KHDRBS2: variants seen among roughly 807,000 people sequenced by gnomAD.
KHDRBS2 encodes the protein KH domain-containing, RNA-binding, signal transduction-associated protein 2.
KHDRBS2 carries 26 observed loss-of-function variants against 44.3 expected under a neutral mutation model. The ratio of observed to expected loss-of-function variants is 0.59; its 90% CI spans 0.43 to 0.81. KHDRBS2 has a LOEUF of 0.81. Among genes scored for constraint, KHDRBS2 ranks in the 40% least tolerant of loss-of-function variants. The pLI is 0.00. For missense variants in KHDRBS2, 476 were observed against 433.1 expected (o/e 1.10, Z -0.88); for synonymous variants, 194 against 151.1 (o/e 1.28, Z -2.08).
At chr6:61,597,403 G>T in the KHDRBS2 span, among the ~76,000 whole-genome samples, 1 of 151,972 alleles carries the variant, frequency 6.6e-6, no homozygotes, top group African/African-American at 2.4e-5. Flanking sequence ...GACCCCTAGG[G>T]CTCTGTGAGG....
chr6:62,170,232 T>C (rs2150118719), intron 2 of KHDRBS2, among the ~76,000 whole-genome samples: 1 of 152,012 alleles, frequency 6.6e-6, no homozygotes. Flanking sequence ...GAGCCTTCAC[T>C]GAAAGAAGTG....
intron 3 of KHDRBS2, among the ~76,000 whole-genome samples, chr6:62,001,623 A>G (rs1173039468): frequency 1.3e-5 from 2 of 152,148 alleles, no homozygotes; most frequent in Non-Finnish European, 2.9e-5. Context: ...TGGTAAATAT[A>G]TTCACTTTTC....
chr6:61,680,945 C>G lies in KHDRBS2; in HGVS notation c.*18G>C, dbSNP rs774565715. 6.5e-7 allele frequency: 1 copy of G among 1,532,922 alleles called. No individual in the cohort carries two copies. Among genetic ancestry groups the G allele is most frequent in the South Asian group, 1.1e-5 (1 of 89,064 alleles). The allele number at this position is 1,532,922 out of a possible 1,614,324, so 95.0% of individuals were successfully genotyped here. A position where few individuals can be genotyped will look rare whatever the true frequency, so the allele number is the denominator to read the frequency against. Reference sequence around the variant, plus strand: ...CTATGAATTGTCTTTGAGGTGAGGTCACAGGTGGGAAGGACCTTCAATATC... The same window carrying G: ...CTATGAATTGTCTTTGAGGTGAGGTGACAGGTGGGAAGGACCTTCAATATC... On this transcript the variant is annotated 3_prime_UTR_variant, in exon 9 of 9. Coordinates refer to ENST00000281156, the MANE Select transcript of KHDRBS2 (RefSeq NM_152688.4).
intron 1 of KHDRBS2, among the ~76,000 whole-genome samples, chr6:62,239,626 A>G (rs566370524): frequency 4.9e-4 from 74 of 151,216 alleles, no homozygotes; most frequent in African/African-American, 1.6e-3. Flanking sequence ...TTTTGGGGGG[A>G]AAAAAAGGGG....
At chr6:62,277,937 A>C (rs1841228241) in intron 1 of KHDRBS2, among the ~76,000 whole-genome samples, 1 of 152,176 alleles carries the variant, frequency 6.6e-6, no homozygotes, top group African/African-American at 2.4e-5. Context: ...CAAATAAAAG[A>C]TGCAATCACT....
At chr6:62,202,366 A>G (rs1827172249) in intron 1 of KHDRBS2, among the ~76,000 whole-genome samples, 2 of 152,112 alleles carry the variant, frequency 1.3e-5, no homozygotes, top group Non-Finnish European at 2.9e-5. Flanking sequence ...AAAAGTTTTT[A>G]TCTTTATATA....
At position 61,703,340 on chromosome 6, in the gene KHDRBS2, A is replaced by G. The variant is rs187177172; in HGVS notation, c.894-6087T>C. ...TTTATGGTTTAAACACGAGCTTTTG[A>G]TATACATGGTGAAATGGTTACTATA... On this transcript the variant is annotated intron_variant, in intron 7 of 8. Transcript: ENST00000281156. 1.1e-4 allele frequency among the ~76,000 whole-genome samples: 17 copies of G among 151,932 alleles called. No individual in the cohort carries two copies. The East Asian group carries it at 3.3e-3, about 30-fold the overall frequency.
intron 2 of KHDRBS2, among the ~76,000 whole-genome samples, chr6:62,107,350 C>A (rs1287371148): frequency 6.6e-6 from 1 of 152,070 alleles, no homozygotes; most frequent in East Asian, 1.9e-4. Flanking sequence ...ACAATTACTT[C>A]AAAGAGAATA....
At chr6:62,155,335 T>A (rs1194595290) in intron 2 of KHDRBS2, among the ~76,000 whole-genome samples, 2 of 152,218 alleles carry the variant, frequency 1.3e-5, no homozygotes, top group African/African-American at 4.8e-5. Flanking sequence ...TTTGAATGTG[T>A]TGAGTTTGAG....
At chr6:62,035,458 G>C (rs1447445840) in intron 3 of KHDRBS2, among the ~76,000 whole-genome samples, 1 of 151,976 alleles carries the variant, frequency 6.6e-6, no homozygotes, top group Non-Finnish European at 1.5e-5. Flanking sequence ...CTGAACTCAT[G>C]GAGACAGAAA....
intron 6 of KHDRBS2, among the ~76,000 whole-genome samples, chr6:61,750,550 A>C (rs1475463996): frequency 6.6e-6 from 1 of 152,172 alleles, no homozygotes; most frequent in African/African-American, 2.4e-5. Context: ...TCGCCTGTTC[A>C]ATCTGCTAAC....
intron 6 of KHDRBS2, among the ~76,000 whole-genome samples, chr6:61,784,151 G>C (rs908491649): frequency 6.6e-6 from 1 of 151,792 alleles, no homozygotes; most frequent in Non-Finnish European, 1.5e-5. Context: ...TTTGGATTCA[G>C]AGATTTATTA....
At chr6:62,147,359 G>A (rs1296372275) in intron 2 of KHDRBS2, among the ~76,000 whole-genome samples, 1 of 151,890 alleles carries the variant, frequency 6.6e-6, no homozygotes, top group Non-Finnish European at 1.5e-5. Flanking sequence ...TATGTTTAGT[G>A]AGCTAGTGTT....
the KHDRBS2 span, among the ~76,000 whole-genome samples, chr6:61,643,662 G>A: frequency 6.6e-5 from 10 of 151,852 alleles, no homozygotes; most frequent in Admixed American, 1.3e-4. Flanking sequence ...CACCCTAAGA[G>A]CAGCCATGCC....
At chr6:61,558,320 G>T in the KHDRBS2 span, among the ~76,000 whole-genome samples, 6 of 152,186 alleles carry the variant, frequency 3.9e-5, no homozygotes, top group African/African-American at 1.4e-4. Flanking sequence ...CCAACACTTT[G>T]GGAAGCTGAG....
rs1015125986 is a variant in KHDRBS2 at position 61,795,685 on chromosome 6, C to A, written c.811-62921G>T. Reference sequence around the variant, plus strand: ...TGAGTATGCCTGCTCCAGATCAATGCAACTTATAATTTGTTCTTCCCCTGA... The same window carrying A: ...TGAGTATGCCTGCTCCAGATCAATGAAACTTATAATTTGTTCTTCCCCTGA... On this transcript the variant is annotated intron_variant, in intron 6 of 8. Transcript: ENST00000281156. 9.2e-5 allele frequency among the ~76,000 whole-genome samples: 14 copies of A among 152,224 alleles called. 1 individual carries two copies. The highest frequency in any genetic ancestry group is 5.9e-4 in the Admixed American group (9 of 15,274).
intron 3 of KHDRBS2, among the ~76,000 whole-genome samples, chr6:62,003,125 T>C (rs1778572594): frequency 1.3e-5 from 2 of 151,988 alleles, no homozygotes; most frequent in African/African-American, 4.8e-5. Flanking sequence ...TCAGACAATA[T>C]TCCTTATCTT....
At chr6:61,666,356 T>G in the KHDRBS2 span, among the ~76,000 whole-genome samples, 2 of 151,574 alleles carry the variant, frequency 1.3e-5, no homozygotes, top group East Asian at 3.9e-4. Context: ...CTGTGGACAT[T>G]GTAGACATAC....
chr6:62,180,085 C>A (rs1821944437), intron 1 of KHDRBS2, among the ~76,000 whole-genome samples: 1 of 151,756 alleles, frequency 6.6e-6, no homozygotes, highest in East Asian at 1.9e-4. Context: ...TCATCCTCAG[C>A]AAACTAACAC....
Sources: gnomAD v4.1 joint callset for allele counts (sites outside exome capture counted in the v4.1 genomes callset) on GRCh38, gnomAD v4.1.1 for gene constraint, MANE v1.5 for transcripts, NCBI Gene and HGNC (gene_info 2026-07-23, HGNC 2026-07-21) for gene names.